Variants in ERC2 observed in about 807,000 individuals in gnomAD.
ERC2 encodes the protein ELKS/RAB6-interacting/CAST family member 2, also known as ERC protein 2.
In ERC2, 42 loss-of-function variants were observed where a neutral mutation model predicts 114.8. The ratio of observed to expected loss-of-function variants is 0.37; its 90% confidence interval spans 0.29 to 0.47. The LOEUF is 0.47. ERC2 is among the 20% of genes least tolerant of loss of function. The probability of loss-of-function intolerance (pLI) is 0.99; values close to 1 mark genes in which losing one functional copy is unlikely to be tolerated. For synonymous variants in ERC2, 454 were observed against 425.5 expected (o/e 1.07, Z -0.82); for missense variants, 939 against 1,150.7 (o/e 0.82, Z 2.66).
At chr3:56,407,798 C>T (rs570287367) in intron 2 of ERC2, among the ~76,000 whole-genome samples, 4 of 152,266 alleles carry the variant, frequency 2.6e-5, no homozygotes, top group African/African-American at 7.2e-5. Flanking sequence ...CCCTGGAACA[C>T]GACAGCAGGT....
At chr3:55,889,472 T>G (rs1428416027) in intron 13 of ERC2, among the ~76,000 whole-genome samples, 1 of 152,074 alleles carries the variant, frequency 6.6e-6, no homozygotes, top group Non-Finnish European at 1.5e-5. Flanking sequence ...AGCCAGACTA[T>G]CAAATATCCA....
At chr3:56,010,424 G>T (rs2072830324) in intron 9 of ERC2, 25 bp downstream of exon 9, 1 of 1,609,682 alleles carries the variant, frequency 6.2e-7, no homozygotes, top group Non-Finnish European at 8.5e-7. Flanking sequence ...CTATCAATGT[G>T]GTTCATTTGT....
chr3:56,368,796 C>A (rs1204331898), intron 2 of ERC2, among the ~76,000 whole-genome samples: 1 of 151,382 alleles, frequency 6.6e-6, no homozygotes, highest in East Asian at 1.9e-4. Context: ...TCTTTATAAT[C>A]TTCTTGTCTA....
chr3:56,213,500 G>T (rs2049223122), intron 3 of ERC2, among the ~76,000 whole-genome samples: 1 of 152,196 alleles, frequency 6.6e-6, no homozygotes, highest in Non-Finnish European at 1.5e-5. Flanking sequence ...GCTTGAGTAG[G>T]TAAACAAAGC....
intron 14 of ERC2, among the ~76,000 whole-genome samples, chr3:55,835,071 A>C (rs937221037): frequency 5.9e-5 from 9 of 152,014 alleles, no homozygotes; most frequent in Admixed American, 1.3e-4. Context: ...ATCTCTGAAT[A>C]GACCAATAAC....
intron 17 of ERC2, among the ~76,000 whole-genome samples, chr3:55,582,496 C>T (rs2057312617): frequency 6.6e-6 from 1 of 152,208 alleles, no homozygotes. Context: ...CAGAAGTTGG[C>T]TATCAATATT....
At chr3:56,346,854 A>G (rs983317645) in intron 2 of ERC2, among the ~76,000 whole-genome samples, 19 of 152,196 alleles carry the variant, frequency 1.2e-4, no homozygotes, top group African/African-American at 4.6e-4. Flanking sequence ...CAATGGAGAA[A>G]GGGCAAGGAG....
chr3:56,049,592 G>A lies in ERC2; in HGVS notation c.1642-30561C>T, dbSNP rs547913056. On this transcript the variant is annotated intron_variant, in intron 7 of 17. Transcript: ENST00000288221. ...GATACCACTAATCAGCTGCCAGTAC[G>A]GCCAGGATATAAAGCAGGCAGAAAA... Among the ~76,000 whole-genome samples the A allele has an allele frequency of 2.9e-3, 448 of 152,180 alleles. 3 individuals carry two copies. The highest frequency in any genetic ancestry group is 0.025 in the South Asian group (122 of 4,816).
At chr3:55,886,510 C>A (rs2063353213) in intron 14 of ERC2, among the ~76,000 whole-genome samples, 1 of 152,072 alleles carries the variant, frequency 6.6e-6, no homozygotes, top group Admixed American at 6.5e-5. Flanking sequence ...ATTTTATGAA[C>A]TTTGTATATA....
chr3:56,068,302 C>A (rs975246816), intron 7 of ERC2, among the ~76,000 whole-genome samples: 14 of 152,132 alleles, frequency 9.2e-5, no homozygotes, highest in Non-Finnish European at 1.9e-4. Context: ...TCCATTTCAC[C>A]TAGATTTTCT....
intron 17 of ERC2, among the ~76,000 whole-genome samples, chr3:55,678,073 A>G (rs1307776012): frequency 2.6e-5 from 4 of 152,200 alleles, no homozygotes; most frequent in African/African-American, 7.2e-5. Context: ...AGAAGATATA[A>G]ATATACAGAC....
intron 17 of ERC2, among the ~76,000 whole-genome samples, chr3:55,679,697 A>C (rs2061968786): frequency 6.6e-6 from 1 of 152,380 alleles, no homozygotes; most frequent in African/African-American, 2.4e-5. Flanking sequence ...TCAGTTATAC[A>C]AAATCTAAAT....
At chr3:56,095,193 G>A (rs2077995008) in intron 6 of ERC2, among the ~76,000 whole-genome samples, 1 of 152,134 alleles carries the variant, frequency 6.6e-6, no homozygotes, top group Admixed American at 6.6e-5. Flanking sequence ...TTGCACCACT[G>A]CTCTCCAGCC....
chr3:56,208,061 C>T (rs987488846), intron 3 of ERC2, among the ~76,000 whole-genome samples: 2 of 152,204 alleles, frequency 1.3e-5, no homozygotes, highest in East Asian at 1.9e-4. Flanking sequence ...ACAGCAAAGT[C>T]GACTGTAGTA....
At chr3:56,369,680 C>CTT (rs564407366) in intron 2 of ERC2, among the ~76,000 whole-genome samples, 188 of 144,580 alleles carry the variant, frequency 1.3e-3, no homozygotes, top group African/African-American at 4.0e-3. Flanking sequence ...CTGGATACTA[C>CTT]TTTTTTTTTT....
At chr3:55,635,962 C>T (rs112044345) in intron 17 of ERC2, among the ~76,000 whole-genome samples, 3,182 of 151,776 alleles carry the variant, frequency 0.021, 42 homozygotes, top group Middle Eastern at 0.068. Flanking sequence ...CTGCAACCTC[C>T]GCCTCTGGGT....
intron 2 of ERC2, among the ~76,000 whole-genome samples, chr3:56,318,135 G>A (rs2056956707): frequency 6.6e-6 from 1 of 152,270 alleles, no homozygotes; most frequent in South Asian, 2.1e-4. Flanking sequence ...AAAAATAGTT[G>A]TCTTAATTTC....
chr3:55,756,672 A>G (rs1459706356), intron 14 of ERC2, among the ~76,000 whole-genome samples: 2 of 152,218 alleles, frequency 1.3e-5, no homozygotes, highest in African/African-American at 4.8e-5. Context: ...GAAAAATCAA[A>G]TCAGCTTGAA....
chr3:55,547,983 T>C (rs2054876864), intron 17 of ERC2, among the ~76,000 whole-genome samples: 1 of 152,210 alleles, frequency 6.6e-6, no homozygotes, highest in Non-Finnish European at 1.5e-5. Context: ...CCAGGGGGCC[T>C]TCTTCAGGCT....
Sources: gnomAD v4.1 joint callset for allele counts (sites outside exome capture counted in the v4.1 genomes callset) on GRCh38, gnomAD v4.1.1 for gene constraint, MANE v1.5 for transcripts, NCBI Gene and HGNC (gene_info 2026-07-23, HGNC 2026-07-21) for gene names.